CDH13: variants seen among roughly 807,000 people sequenced by gnomAD.
CDH13 encodes cadherin 13, also known as cadherin-13.
In CDH13, 24 loss-of-function variants were observed where a neutral mutation model predicts 63.8. The ratio of observed to expected loss-of-function variants is 0.38; its 90% CI spans 0.27 to 0.53. CDH13 has a LOEUF of 0.53. CDH13 is among the 20% of genes least tolerant of loss of function. CDH13 has a pLI of 0.85. For missense variants in CDH13, 1,049 were observed against 903.1 expected, an observed-to-expected ratio of 1.16 and a Z score of -2.07; for synonymous variants, 503 against 355.3, an observed-to-expected ratio of 1.42 and a Z score of -4.67.
At chr16:83,327,397 A>G (rs2090388619) in intron 5 of CDH13, among the ~76,000 whole-genome samples, 1 of 152,232 alleles carries the variant, frequency 6.6e-6, no homozygotes, top group South Asian at 2.1e-4. Context: ...GAATTCTCAA[A>G]AGACAAGCGT....
chr16:82,899,546 G>A (rs1190911246), intron 2 of CDH13, among the ~76,000 whole-genome samples: 1 of 152,078 alleles, frequency 6.6e-6, no homozygotes, highest in East Asian at 1.9e-4. Context: ...CCTAGTTTCG[G>A]AACTCAGAAA....
chr16:83,503,313 G>A (rs1299710055), intron 7 of CDH13, among the ~76,000 whole-genome samples: 2 of 152,170 alleles, frequency 1.3e-5, no homozygotes, highest in Non-Finnish European at 2.9e-5. Context: ...AGCTGATTAG[G>A]AAAGCCTTGA....
At chr16:82,955,464 G>T (rs185524723) in intron 2 of CDH13, among the ~76,000 whole-genome samples, 1 of 152,246 alleles carries the variant, frequency 6.6e-6, no homozygotes, top group African/African-American at 2.4e-5. Flanking sequence ...TATGATTATG[G>T]GTTGCCTGGT....
chr16:83,570,025 G>A (rs575109169), intron 7 of CDH13, among the ~76,000 whole-genome samples: 22 of 152,192 alleles, frequency 1.4e-4, no homozygotes, highest in East Asian at 7.7e-4. Flanking sequence ...GTGAGCCACC[G>A]TGCCCAGCCA....
chr16:83,015,623 T>C (rs2151443938), intron 2 of CDH13, among the ~76,000 whole-genome samples: 1 of 137,486 alleles, frequency 7.3e-6, no homozygotes, highest in East Asian at 2.3e-4. Flanking sequence ...AATATCACAG[T>C]TGTGGGGACC....
chr16:83,762,961 C>T (rs187623900), intron 11 of CDH13, among the ~76,000 whole-genome samples: 2 of 152,172 alleles, frequency 1.3e-5, no homozygotes, highest in Admixed American at 6.5e-5. Flanking sequence ...CCTGTTAGTT[C>T]CCCCTAAGGC....
chr16:83,106,606 T>A (rs996259995), intron 3 of CDH13, among the ~76,000 whole-genome samples: 3 of 152,156 alleles, frequency 2.0e-5, no homozygotes, highest in Admixed American at 2.0e-4. Context: ...ATTTAATACA[T>A]GTTGATACAT....
At chr16:82,762,162 A>T (rs973416999) in intron 1 of CDH13, among the ~76,000 whole-genome samples, 1 of 152,180 alleles carries the variant, frequency 6.6e-6, no homozygotes, top group African/African-American at 2.4e-5. Context: ...TGACCTGCAC[A>T]TCGGACTTCA....
chr16:83,181,120 G>C (rs943158680), intron 4 of CDH13: 26 of 1,006,122 alleles, frequency 2.6e-5, no homozygotes, highest in Middle Eastern at 3.3e-4. Context: ...TGGGTATTTG[G>C]GATAGAAATG....
chr16:82,953,292 A>C (rs575582540), intron 2 of CDH13: 30 of 152,328 alleles, frequency 2.0e-4, no homozygotes, highest in African/African-American at 6.5e-4. Context: ...AAATATGGCC[A>C]TAAAGGTTTT....
At position 83,486,662 on chromosome 16, in the gene CDH13, TGAAAA is replaced by T. The variant is rs748913668; in HGVS notation, c.960+11_960+15del. On this transcript the variant is annotated splice_region_variant and intron_variant, in intron 7 of 13. Coordinates refer to ENST00000567109, the MANE Select transcript of CDH13 (RefSeq NM_001257.5). ...TGCGCTGCTGGACCGAGAGGTGAGC[TGAAAA>T]GAATACACTTTCTTTTTCACGAGAA... is the stretch of plus-strand genomic sequence containing the variant. 2.5e-6 allele frequency: 4 copies of T among 1,612,520 alleles called. No individual in the cohort carries two copies. Among genetic ancestry groups the T allele is most frequent in the Admixed American group, 1.7e-5 (1 of 59,994 alleles).
At chr16:83,630,124 C>T (rs1009115294) in intron 8 of CDH13, among the ~76,000 whole-genome samples, 3 of 152,280 alleles carry the variant, frequency 2.0e-5, no homozygotes, top group Admixed American at 6.5e-5. Flanking sequence ...TCAGACCTGC[C>T]TTTACATCCC....
intron 2 of CDH13, among the ~76,000 whole-genome samples, chr16:82,880,032 A>C (rs1437392524): frequency 6.7e-6 from 1 of 148,504 alleles, no homozygotes; most frequent in African/African-American, 2.5e-5. Flanking sequence ...ATATATAATC[A>C]TATAATGGAT....
At chr16:82,893,639 C>A (rs1297011901) in intron 2 of CDH13, among the ~76,000 whole-genome samples, 1 of 152,212 alleles carries the variant, frequency 6.6e-6, no homozygotes, top group Admixed American at 6.5e-5. Context: ...CTGGGCTATT[C>A]CCTGCTGCCT....
intron 6 of CDH13, among the ~76,000 whole-genome samples, chr16:83,450,349 G>A (rs1167405467): frequency 1.3e-5 from 2 of 152,166 alleles, no homozygotes; most frequent in Non-Finnish European, 2.9e-5. Flanking sequence ...GGTTGGACCA[G>A]CAACAAGTGA....
chr16:82,940,835 A>G (rs1904278611), intron 2 of CDH13, among the ~76,000 whole-genome samples: 2 of 152,120 alleles, frequency 1.3e-5, no homozygotes. Context: ...TAATTGTTGT[A>G]TTTCTCAAAC....
chr16:82,697,595 A>AT (rs1276427620), intron 1 of CDH13, among the ~76,000 whole-genome samples: 1 of 151,314 alleles, frequency 6.6e-6, no homozygotes, highest in Admixed American at 6.6e-5. Context: ...TGCCCAGCTA[A>AT]TTTTTTGTGT....
At chr16:83,096,544 C>T (rs1284451948) in intron 3 of CDH13, among the ~76,000 whole-genome samples, 1 of 152,154 alleles carries the variant, frequency 6.6e-6, no homozygotes, top group East Asian at 1.9e-4. Context: ...ATTTTATTGC[C>T]ACCACGACTC....
At chr16:83,539,881 G>A (rs1375959901) in intron 7 of CDH13, among the ~76,000 whole-genome samples, 1 of 152,126 alleles carries the variant, frequency 6.6e-6, no homozygotes. Flanking sequence ...CAGAAACTGG[G>A]CATCATCTAT....
Sources: allele counts gnomAD v4.1 joint callset (sites outside exome capture counted in the v4.1 genomes callset), GRCh38; gene constraint gnomAD v4.1.1; transcripts MANE v1.5; gene names NCBI Gene and HGNC (gene_info 2026-07-23, HGNC 2026-07-21).